The following DMD variants were observed in gnomAD, a reference collection of about 807,000 sequenced individuals.
DMD encodes mutant dystrophin.
Under a neutral mutation model 330.1 loss-of-function variants are expected in DMD, and 63 were observed. The observed-to-expected ratio is 0.19, with a 90% CI of 0.16 to 0.24. The LOEUF (loss-of-function observed/expected upper bound fraction) is 0.24, where lower values mean the gene tolerates loss of function less well. DMD is among the 10% of genes least tolerant of loss of function. The pLI is 1.00. For missense variants in DMD, 3,344 were observed against 2,684.1 expected, an observed-to-expected ratio of 1.25 and a Z score of -5.43; for synonymous variants, 1,223 against 959.8, an observed-to-expected ratio of 1.27 and a Z score of -5.07.
At chrX:33,085,702 A>T (rs1487914500) in intron 1 of DMD, among the ~76,000 whole-genome samples, 1 of 111,736 alleles carries the variant, frequency 8.9e-6, no homozygotes, top group Non-Finnish European at 1.9e-5. Flanking sequence ...CTCTTTACTT[A>T]CACTATCTTA....
intron 51 of DMD, among the ~76,000 whole-genome samples, chrX:31,753,972 T>C (rs950533254): frequency 9.0e-6 from 1 of 111,293 alleles, no homozygotes; most frequent in Non-Finnish European, 1.9e-5. Flanking sequence ...CACAATGAGA[T>C]TGTTTTCTAC....
intron 45 of DMD, among the ~76,000 whole-genome samples, chrX:31,940,776 C>T (rs1280482205): frequency 1.8e-5 from 2 of 109,828 alleles, no homozygotes; most frequent in Non-Finnish European, 3.8e-5. Flanking sequence ...GAAAGAACGC[C>T]CTAAGCAGAG....
chrX:31,577,645 T>C lies in DMD; in HGVS notation c.8217+50028A>G, dbSNP rs1362277586. On this transcript the variant is annotated intron_variant, in intron 55 of 78. Coordinates refer to ENST00000357033, the MANE Select transcript of DMD (RefSeq NM_004006.3). ...GTGGCTGGGAAAGGTGAATAATGGT[T>C]AAGTGAAGGGTTTACAAAATTTGTT... is the stretch of plus-strand genomic sequence containing the variant. Among the ~76,000 whole-genome samples, 3 of 112,255 alleles carry C rather than the reference T, an allele frequency of 2.7e-5. No individual in the cohort carries two copies. The East Asian group carries it at 8.3e-4, about 31-fold the overall frequency.
chrX:31,990,726 G>A lies in DMD; in HGVS notation c.6439-22212C>T, dbSNP rs1217573191. ...ATATACGAAAACATTAATAACTCAC[G>A]TAAGCAAGGTGTAAGGCAGTTACAC... On this transcript the variant is annotated intron_variant, in intron 44 of 78. Coordinates refer to ENST00000357033, the MANE Select transcript of DMD (RefSeq NM_004006.3). 5.4e-5 allele frequency among the ~76,000 whole-genome samples: 6 copies of A among 112,042 alleles called. No individual in the cohort carries two copies. The East Asian group carries it at 1.7e-3, about 31-fold the overall frequency.
chrX:32,686,344 G>A (rs1248435309), intron 9 of DMD, among the ~76,000 whole-genome samples: 2 of 110,264 alleles, frequency 1.8e-5, no homozygotes, highest in African/African-American at 3.3e-5. Context: ...GATCACCTGA[G>A]GTCAAGAGTT....
chrX:31,898,785 T>C (rs2094383707), intron 47 of DMD, among the ~76,000 whole-genome samples: 1 of 112,042 alleles, frequency 8.9e-6, no homozygotes, highest in South Asian at 3.6e-4. Flanking sequence ...ATGCAACAGG[T>C]TGTAACATGT....
chrX:31,584,718 G>C (rs189036885), intron 55 of DMD, among the ~76,000 whole-genome samples: 1 of 111,568 alleles, frequency 9.0e-6, no homozygotes, highest in Admixed American at 9.5e-5. Flanking sequence ...AGAAGAGGGA[G>C]AGAATTGACA....
chrX:32,894,400 A>C (rs1394115495), intron 2 of DMD, among the ~76,000 whole-genome samples: 1 of 112,711 alleles, frequency 8.9e-6, no homozygotes, highest in African/African-American at 3.2e-5. Flanking sequence ...GAAACGATCC[A>C]GTGGTGGCAG....
At position 32,667,535 on chromosome X, in the gene DMD, T is replaced by G. The variant is rs180745294; in HGVS notation, c.961-22383A>C. Among the ~76,000 whole-genome samples, 398 of 111,452 alleles carry G rather than the reference T, an allele frequency of 3.6e-3. 6 individuals carry two copies. The highest frequency in any genetic ancestry group is 0.03 in the Admixed American group (309 of 10,456). On this transcript the variant is annotated intron_variant, in intron 9 of 78. Transcript: ENST00000357033. Reference sequence around the variant, plus strand: ...CCATCATATTTCATTGGACCTTAAGTGCCATTCTTCTAGTTTTATGGAGGA... The same window carrying G: ...CCATCATATTTCATTGGACCTTAAGGGCCATTCTTCTAGTTTTATGGAGGA...
chrX:31,321,611 G>GA (rs2056437914), intron 62 of DMD, among the ~76,000 whole-genome samples: 1 of 55,675 alleles, frequency 1.8e-5, no homozygotes, highest in Non-Finnish European at 3.3e-5. Context: ...AAAAAAAAAA[G>GA]AAAGAAACCA....
chrX:32,322,677 T>G (rs1240941653), intron 41 of DMD, among the ~76,000 whole-genome samples: 2 of 111,527 alleles, frequency 1.8e-5, no homozygotes, highest in Non-Finnish European at 3.8e-5. Flanking sequence ...GACAGCAACT[T>G]TAGAGTTTGA....
chrX:33,032,792 T>C (rs1336294412), intron 1 of DMD, among the ~76,000 whole-genome samples: 1 of 112,541 alleles, frequency 8.9e-6, no homozygotes, highest in Non-Finnish European at 1.9e-5. Context: ...GTACTGAGCC[T>C]GCTCATTTCC....
intron 48 of DMD, among the ~76,000 whole-genome samples, chrX:31,842,481 A>G (rs2093336197): frequency 8.9e-6 from 1 of 111,999 alleles, no homozygotes; most frequent in Non-Finnish European, 1.9e-5. Flanking sequence ...GTTATCAAAT[A>G]ACATCACACA....
chrX:32,474,611 T>C (rs1331189678), intron 21 of DMD, among the ~76,000 whole-genome samples: 1 of 112,044 alleles, frequency 8.9e-6, no homozygotes, highest in Non-Finnish European at 1.9e-5. Context: ...CCCTGATCAT[T>C]CATAATGTTA....
chrX:31,527,218 A>G (rs1382507922), intron 55 of DMD, among the ~76,000 whole-genome samples: 2 of 112,117 alleles, frequency 1.8e-5, no homozygotes, highest in Non-Finnish European at 3.8e-5. Context: ...AGATGGTAGC[A>G]TAAGCGTCTG....
intron 25 of DMD, among the ~76,000 whole-genome samples, chrX:32,460,449 A>G (rs2098379623): frequency 9.1e-6 from 1 of 110,410 alleles, no homozygotes; most frequent in Non-Finnish European, 1.9e-5. Flanking sequence ...AGGAATATGC[A>G]GCAAACTTAA....
rs769363952 is a variant in DMD at position 32,386,498 on chromosome X, C to A, written c.4519-33G>T. On this transcript the variant is annotated intron_variant, in intron 32 of 78. Coordinates refer to ENST00000357033, the MANE Select transcript of DMD (RefSeq NM_004006.3). ...TAAACATAAAACAAAACATGATAAT[C>A]AGTAGAGTTAAATTATTTCATAATA... 10 of 1,097,216 alleles carry A rather than the reference C, an allele frequency of 9.1e-6. No homozygotes were observed. The African/African-American group carries it at 9.1e-5, about 10-fold the overall frequency. 90.4% of individuals were successfully genotyped at this position (1,097,216 alleles called of 1,213,427 possible). A position where few individuals can be genotyped will look rare whatever the true frequency, so the allele number is the denominator to read the frequency against.
At chrX:31,547,367 T>C (rs886365783) in intron 55 of DMD, among the ~76,000 whole-genome samples, 1 of 112,177 alleles carries the variant, frequency 8.9e-6, no homozygotes, top group Non-Finnish European at 1.9e-5. Flanking sequence ...TAGTTGGAGG[T>C]GGAATTTCAT....
At chrX:32,622,749 G>C (rs946470976) in intron 11 of DMD, among the ~76,000 whole-genome samples, 2 of 111,218 alleles carry the variant, frequency 1.8e-5, no homozygotes, top group Non-Finnish European at 3.8e-5. Flanking sequence ...TCTACAATAG[G>C]CATTTGGATT....
Sources: gnomAD v4.1 joint callset for allele counts (sites outside exome capture counted in the v4.1 genomes callset) on GRCh38, gnomAD v4.1.1 for gene constraint, MANE v1.5 for transcripts, NCBI Gene and HGNC (gene_info 2026-07-23, HGNC 2026-07-21) for gene names.